The following DPYD variants were observed in gnomAD, a reference collection of about 807,000 sequenced individuals.
DPYD encodes dihydropyrimidine dehydrogenase [NADP(+)].
DPYD carries 109 observed loss-of-function variants against 116.2 expected under a neutral mutation model. The observed-to-expected ratio is 0.94, with a 90% confidence interval of 0.80 to 1.10. The LOEUF (loss-of-function observed/expected upper bound fraction) is 1.10, where lower values mean the gene tolerates loss of function less well. Among genes scored for constraint, DPYD ranks in the 50% least tolerant of loss-of-function variants. DPYD has a pLI of 0.00. For synonymous variants in DPYD, 440 were observed against 432.0 expected, an observed-to-expected ratio of 1.02 and a Z score of -0.23; for missense variants, 1,302 against 1,254.5, an observed-to-expected ratio of 1.04 and a Z score of -0.57.
chr1:97,430,825 A>G (rs972053533), intron 14 of DPYD, among the ~76,000 whole-genome samples: 5 of 152,084 alleles, frequency 3.3e-5, no homozygotes, highest in Admixed American at 6.6e-5. Context: ...CTGAAATACA[A>G]TTTTACATCT....
At chr1:97,208,027 T>C (rs1659764385) in intron 19 of DPYD, among the ~76,000 whole-genome samples, 1 of 152,168 alleles carries the variant, frequency 6.6e-6, no homozygotes, top group South Asian at 2.1e-4. Flanking sequence ...ATACAGGTCC[T>C]GCAAAACCAC....
At chr1:97,832,023 T>C (rs987151669) in intron 2 of DPYD, among the ~76,000 whole-genome samples, 1 of 149,422 alleles carries the variant, frequency 6.7e-6, no homozygotes, top group Non-Finnish European at 1.5e-5. Context: ...TGGTACACAT[T>C]ATAGCTTTAA....
chr1:97,155,656 T>G (rs1655392754), intron 20 of DPYD, among the ~76,000 whole-genome samples: 2 of 152,204 alleles, frequency 1.3e-5, no homozygotes. Context: ...CACAGATTCA[T>G]ATCTTACATT....
At chr1:97,417,817 T>G (rs923994029) in intron 14 of DPYD, among the ~76,000 whole-genome samples, 1 of 152,172 alleles carries the variant, frequency 6.6e-6, no homozygotes, top group Admixed American at 6.5e-5. Flanking sequence ...AATGGAACAT[T>G]GAAGTAAATG....
intron 4 of DPYD, among the ~76,000 whole-genome samples, chr1:97,731,156 C>T (rs919335890): frequency 2.0e-5 from 3 of 151,944 alleles, no homozygotes; most frequent in Admixed American, 1.3e-4. Flanking sequence ...AATATCACAC[C>T]ATTTGTTCTA....
chr1:97,428,074 T>C (rs1194205006), intron 14 of DPYD, among the ~76,000 whole-genome samples: 5 of 152,170 alleles, frequency 3.3e-5, no homozygotes, highest in Non-Finnish European at 7.4e-5. Context: ...ATAAAAGTTA[T>C]ACATTACGAA....
chr1:97,592,013 ATGAACCAAT>A (rs1654554822), intron 10 of DPYD, among the ~76,000 whole-genome samples: 1 of 152,214 alleles, frequency 6.6e-6, no homozygotes, highest in South Asian at 2.1e-4. Context: ...AAACTCAGCC[ATGAACCAAT>A]GGTGACCCTG....
At chr1:97,549,780 A>C (rs2102085742) in intron 11 of DPYD, 36 bp from the exon 12 acceptor site, 1 of 1,548,522 alleles carries the variant, frequency 6.5e-7, no homozygotes, top group Non-Finnish European at 8.9e-7. Flanking sequence ...GACAATCACT[A>C]GTCAACAGAC....
chr1:97,730,743 AG>A (rs1663547176), intron 4 of DPYD, among the ~76,000 whole-genome samples: 1 of 152,042 alleles, frequency 6.6e-6, no homozygotes, highest in African/African-American at 2.4e-5. Context: ...ATTTGAAGAG[AG>A]AAAGAAAAAG....
intron 19 of DPYD, among the ~76,000 whole-genome samples, chr1:97,195,381 C>G (rs1009555661): frequency 1.3e-5 from 2 of 150,992 alleles, no homozygotes; most frequent in Non-Finnish European, 2.9e-5. Flanking sequence ...ACTCTTAAAG[C>G]CTTTTGGGTC....
intron 14 of DPYD, among the ~76,000 whole-genome samples, chr1:97,401,244 A>G (rs1004694842): frequency 2.0e-5 from 3 of 151,806 alleles, no homozygotes; most frequent in Non-Finnish European, 4.4e-5. Flanking sequence ...TTTTACAAAT[A>G]TTTTCTCCCA....
At position 97,250,600 on chromosome 1, in the gene DPYD, A is replaced by G. The variant is rs146546313; in HGVS notation, c.2300-15606T>C. On this transcript the variant is annotated intron_variant, in intron 18 of 22. Transcript: ENST00000370192. Reference sequence around the variant, plus strand: ...TGTATGTGACAATATTATTTTAAAAATTATATTGAACGTAAATGAGGCCAG... The same window carrying G: ...TGTATGTGACAATATTATTTTAAAAGTTATATTGAACGTAAATGAGGCCAG... Among the ~76,000 whole-genome samples, 1,343 of 152,328 alleles carry G rather than the reference A, an allele frequency of 8.8e-3. 12 individuals are homozygous for G. The highest frequency in any genetic ancestry group is 0.013 in the Non-Finnish European group (892 of 68,024).
intron 2 of DPYD, among the ~76,000 whole-genome samples, chr1:97,834,416 G>A (rs1474968384): frequency 6.6e-6 from 1 of 150,778 alleles, no homozygotes; most frequent in African/African-American, 2.4e-5. Context: ...ACTGTTATAA[G>A]GTAAATAGGC....
intron 2 of DPYD, among the ~76,000 whole-genome samples, chr1:97,854,277 A>AT (rs560486150): frequency 9.9e-4 from 151 of 152,322 alleles, no homozygotes; most frequent in African/African-American, 2.2e-3. Flanking sequence ...GTATTTGCAG[A>AT]TTTTTTTACA....
At chr1:97,686,418 C>G (rs1252127981) in intron 7 of DPYD, among the ~76,000 whole-genome samples, 1 of 151,620 alleles carries the variant, frequency 6.6e-6, no homozygotes. Context: ...GGGCGGATCA[C>G]GAGGTCAGGA....
At chr1:97,567,029 A>G (rs1652564833) in intron 11 of DPYD, among the ~76,000 whole-genome samples, 1 of 152,182 alleles carries the variant, frequency 6.6e-6, no homozygotes, top group Non-Finnish European at 1.5e-5. Context: ...GGCTCTTCCC[A>G]ACACTTAAAC....
chr1:97,345,551 T>C, intron 16 of DPYD, among the ~76,000 whole-genome samples: 1 of 151,888 alleles, frequency 6.6e-6, no homozygotes, highest in East Asian at 1.9e-4. Flanking sequence ...CCCTCATAAC[T>C]CATATCCTAG....
intron 3 of DPYD, among the ~76,000 whole-genome samples, chr1:97,816,877 TTATA>T (rs1431314371): frequency 6.6e-6 from 1 of 152,194 alleles, no homozygotes; most frequent in African/African-American, 2.4e-5. Context: ...CTCAGTAATG[TTATA>T]TAGTCATGTT....
rs376559754 is a variant in DPYD at position 97,630,306 on chromosome 1, A to C, written c.851-35140T>G. On this transcript the variant is annotated intron_variant, in intron 8 of 22. Coordinates refer to ENST00000370192, the MANE Select transcript of DPYD (RefSeq NM_000110.4). ...TATTTCATTTCCCATTTTCCTAACC[A>C]GTTACTTTTGTTTTGTTTTTACCTC... Among the ~76,000 whole-genome samples, 6 of 152,092 alleles carry C rather than the reference A, an allele frequency of 3.9e-5. No individual in the cohort carries two copies. The East Asian group carries it at 9.7e-4, about 25-fold the overall frequency.
Sources: gnomAD v4.1 joint callset for allele counts (sites outside exome capture counted in the v4.1 genomes callset) on GRCh38, gnomAD v4.1.1 for gene constraint, MANE v1.5 for transcripts, NCBI Gene and HGNC (gene_info 2026-07-23, HGNC 2026-07-21) for gene names.